The following RBFOX1 variants were observed in gnomAD, a reference collection of about 807,000 sequenced individuals.
The protein encoded by RBFOX1 is RNA binding fox-1 homolog 1.
Under a neutral mutation model 57.7 loss-of-function variants are expected in RBFOX1, and 8 were observed. That is an observed-to-expected ratio of 0.14 (90% CI 0.08 to 0.25). The LOEUF is 0.25. RBFOX1 is among the 10% of genes least tolerant of loss of function. RBFOX1 has a pLI of 1.00. For synonymous variants in RBFOX1, 326 were observed against 222.4 expected, an observed-to-expected ratio of 1.47 and a Z score of -4.15; for missense variants, 611 against 548.5, an observed-to-expected ratio of 1.11 and a Z score of -1.14.
chr16:5,899,525 C>T (rs529769519), intron 4 of RBFOX1, among the ~76,000 whole-genome samples: 2 of 152,290 alleles, frequency 1.3e-5, no homozygotes, highest in East Asian at 3.9e-4. Context: ...AGTGGGGCCA[C>T]TCTGTGTGAA....
In RBFOX1 at chr16:6,975,207, G is replaced by A. The variant is rs80025261; in HGVS notation, c.-15-76850G>A. Among the ~76,000 whole-genome samples, 286 of 152,158 alleles carry A rather than the reference G, an allele frequency of 1.9e-3. 2 individuals are homozygous for A. The highest frequency in any genetic ancestry group is 6.8e-3 in the African/African-American group (284 of 41,520). On this transcript the variant is annotated intron_variant, in intron 3 of 15. Transcript: ENST00000550418. ...GGTAAAGAGAGTGAAGCATCTGCCC[G>A]ACGCACAGAATTTAAGAGGCCACCA...
At chr16:7,070,562 C>G (rs114779199) in intron 4 of RBFOX1, among the ~76,000 whole-genome samples, 1 of 152,258 alleles carries the variant, frequency 6.6e-6, no homozygotes, top group Admixed American at 6.5e-5. Flanking sequence ...GAATTAAACA[C>G]TGAACTCTTT....
intron 4 of RBFOX1, among the ~76,000 whole-genome samples, chr16:5,879,973 A>G (rs570565796): frequency 6.6e-6 from 1 of 152,320 alleles, no homozygotes; most frequent in South Asian, 2.1e-4. Flanking sequence ...ACCTGTAACA[A>G]GAGGCCTGAG....
chr16:6,471,536 T>C (rs2095173838), intron 2 of RBFOX1, among the ~76,000 whole-genome samples: 1 of 151,770 alleles, frequency 6.6e-6, no homozygotes, highest in Non-Finnish European at 1.5e-5. Context: ...ATTATATTTC[T>C]GTGACATTCT....
intron 1 of RBFOX1, among the ~76,000 whole-genome samples, chr16:5,285,237 G>C (rs890590700): frequency 1.6e-4 from 25 of 152,100 alleles, no homozygotes; most frequent in African/African-American, 4.6e-4. Flanking sequence ...CTAGTCTATT[G>C]TTAAAGCTGT....
chr16:7,326,649 A>G (rs2096615426), intron 4 of RBFOX1, among the ~76,000 whole-genome samples: 1 of 151,042 alleles, frequency 6.6e-6, no homozygotes, highest in African/African-American at 2.5e-5. Flanking sequence ...ATGAGAGGGT[A>G]CAGGTGTTTT....
rs570243390 is a variant in RBFOX1, at chr16:7,445,661, C to G, written c.28-72486C>G. ...TCTGGTCTCTTAGAAATTCAAAATA[C>G]AAGATCTACATGGTACCACAGTTTT... On this transcript the variant is annotated intron_variant, in intron 4 of 15. Coordinates refer to ENST00000550418, the MANE Select transcript of RBFOX1 (RefSeq NM_018723.4). Among the ~76,000 whole-genome samples the G allele has an allele frequency of 2.6e-5, 4 of 152,298 alleles. No homozygotes were observed. In the East Asian group the frequency reaches 7.7e-4, roughly 29 times the overall value.
intron 1 of RBFOX1, among the ~76,000 whole-genome samples, chr16:6,083,241 G>A (rs2096034249): frequency 6.6e-6 from 1 of 152,114 alleles, no homozygotes; most frequent in Non-Finnish European, 1.5e-5. Flanking sequence ...GACCTGAAGT[G>A]ATCTGCCCGC....
chr16:5,795,821 A>C (rs909060947), intron 3 of RBFOX1, among the ~76,000 whole-genome samples: 1 of 152,166 alleles, frequency 6.6e-6, no homozygotes, highest in Non-Finnish European at 1.5e-5. Flanking sequence ...TCATTGGGGA[A>C]GGATTTGCTT....
At chr16:6,495,172 G>A (rs919709530) in intron 2 of RBFOX1, among the ~76,000 whole-genome samples, 1 of 152,158 alleles carries the variant, frequency 6.6e-6, no homozygotes, top group Non-Finnish European at 1.5e-5. Flanking sequence ...ATGCGGGAGT[G>A]AAGTGGTGGA....
intron 3 of RBFOX1, among the ~76,000 whole-genome samples, chr16:5,759,928 C>T (rs2151641436): frequency 6.6e-6 from 1 of 152,128 alleles, no homozygotes. Flanking sequence ...TTCCACATCC[C>T]CTTTTGTGCG....
At chr16:6,126,425 T>A (rs2096590326) in intron 1 of RBFOX1, among the ~76,000 whole-genome samples, 1 of 152,214 alleles carries the variant, frequency 6.6e-6, no homozygotes, top group East Asian at 1.9e-4. Flanking sequence ...TTTTTTTTAA[T>A]TTAAATTTTA....
intron 3 of RBFOX1, among the ~76,000 whole-genome samples, chr16:6,877,221 C>A (rs1261882457): frequency 6.6e-6 from 1 of 152,194 alleles, no homozygotes; most frequent in Admixed American, 6.5e-5. Context: ...ATTTTTAATA[C>A]AGTCCATATT....
intron 2 of RBFOX1, among the ~76,000 whole-genome samples, chr16:6,506,680 C>G (rs1203973151): frequency 2.9e-5 from 3 of 104,090 alleles, no homozygotes. Context: ...TGGAGTCTCG[C>G]TTTGTCTCCC....
At chr16:6,582,938 C>G (rs1157588909) in intron 2 of RBFOX1, among the ~76,000 whole-genome samples, 1 of 151,802 alleles carries the variant, frequency 6.6e-6, no homozygotes, top group East Asian at 2.0e-4. Context: ...CCCTCCCCTC[C>G]CCTCCTCTTT....
chr16:5,317,810 G>C (rs1040960754), intron 1 of RBFOX1, among the ~76,000 whole-genome samples: 1 of 152,120 alleles, frequency 6.6e-6, no homozygotes, highest in Non-Finnish European at 1.5e-5. Context: ...ACCATTTTAA[G>C]TTTACAATTC....
At chr16:7,671,498 A>G (rs542228679) in intron 13 of RBFOX1, 2 of 1,466,396 alleles carry the variant, frequency 1.4e-6, no homozygotes, top group Middle Eastern at 1.8e-4. Flanking sequence ...TGACTTATGC[A>G]TTCTCTTTTA....
intron 4 of RBFOX1, among the ~76,000 whole-genome samples, chr16:7,483,058 G>T (rs1419645328): frequency 6.6e-6 from 1 of 152,154 alleles, no homozygotes; most frequent in Non-Finnish European, 1.5e-5. Flanking sequence ...GGAGAGGGAA[G>T]CCACCCTCGT....
chr16:6,246,480 T>G (rs895607800), intron 1 of RBFOX1, among the ~76,000 whole-genome samples: 10 of 152,120 alleles, frequency 6.6e-5, no homozygotes, highest in African/African-American at 2.4e-4. Context: ...GGACTCCAGT[T>G]GGCTTGGCTT....
Sources: gnomAD v4.1 joint callset for allele counts (sites outside exome capture counted in the v4.1 genomes callset) on GRCh38, gnomAD v4.1.1 for gene constraint, MANE v1.5 for transcripts, NCBI Gene and HGNC (gene_info 2026-07-23, HGNC 2026-07-21) for gene names.